Variants in MYO7A observed in about 807,000 individuals in gnomAD.
MYO7A encodes the protein myosin VIIA.
MYO7A carries 210 observed loss-of-function variants against 263.8 expected under a neutral mutation model. The ratio of observed to expected loss-of-function variants is 0.80; its 90% CI spans 0.71 to 0.89. MYO7A has a LOEUF of 0.89. Ranked by LOEUF, MYO7A falls within the 40% of genes least tolerant of loss-of-function variation. MYO7A has a pLI of 0.00. For missense variants in MYO7A, 2,820 were observed against 2,968.3 expected, an observed-to-expected ratio of 0.95 and a Z score of 1.16; for synonymous variants, 1,239 against 1,197.3, an observed-to-expected ratio of 1.03 and a Z score of -0.72.
intron 39 of MYO7A, among the ~76,000 whole-genome samples, chr11:77,205,260 G>A (rs1957366493): frequency 6.6e-6 from 1 of 152,114 alleles, no homozygotes; most frequent in South Asian, 2.1e-4. Flanking sequence ...GGCACACTTT[G>A]GGTAGCACTA....
intron 41 of MYO7A, among the ~76,000 whole-genome samples, chr11:77,206,618 C>T (rs1957461143): frequency 6.6e-6 from 1 of 152,222 alleles, no homozygotes; most frequent in Non-Finnish European, 1.5e-5. Context: ...CCTCCCTCTC[C>T]ACCTGAGGTG....
intron 4 of MYO7A, among the ~76,000 whole-genome samples, chr11:77,155,036 G>A (rs897668840): frequency 1.4e-4 from 22 of 152,124 alleles, no homozygotes; most frequent in African/African-American, 4.8e-4. Flanking sequence ...TCCAGGCCCC[G>A]GATATCAATA....
At position 77,163,112 on chromosome 11, in the gene MYO7A, A is replaced by ATG. The variant is rs1349016468; in HGVS notation, c.1690+125_1690+126insGT. 7.6e-6 allele frequency: 8 copies of ATG among 1,048,288 alleles called. No homozygotes were observed. In the African/African-American group the frequency reaches 8.2e-5, roughly 11 times the overall value. 64.9% of individuals were successfully genotyped at this position (1,048,288 alleles called of 1,614,324 possible). A position where few individuals can be genotyped will look rare whatever the true frequency, so the allele number is the denominator to read the frequency against. ...AAAAATTGTGATTATTCATATATAT[A>ATG]TATATATGAACTTGACTAAAATGGC... On this transcript the variant is annotated intron_variant, in intron 14 of 48. Coordinates refer to ENST00000409709, the MANE Select transcript of MYO7A (RefSeq NM_000260.4).
chr11:77,214,058 A>T, intron 48 of MYO7A, 79 bp downstream of exon 48: 1 of 1,589,562 alleles, frequency 6.3e-7, no homozygotes, highest in Non-Finnish European at 8.6e-7. Flanking sequence ...CCTGGAACAA[A>T]CACAGTAGTG....
In MYO7A at chr11:77,129,988, G is replaced by A. The variant is rs576444062; in HGVS notation, c.-46-601G>A. ...CGGGGCGGGCCCGGGCCCGGGCCCA[G>A]GCCCAGGTGCGGTGCATTCAGCAGC... is the stretch of plus-strand genomic sequence containing the variant. On this transcript the variant is annotated intron_variant, in intron 1 of 48. Transcript: ENST00000409709. Among the ~76,000 whole-genome samples the A allele has an allele frequency of 6.0e-5, 9 of 150,262 alleles. No homozygotes were observed. The South Asian group carries it at 7.0e-4, about 12-fold the overall frequency.
At chr11:77,158,467 C>G in intron 9 of MYO7A, 37 bp downstream of exon 9, 1 of 1,599,750 alleles carries the variant, frequency 6.3e-7, no homozygotes, top group Non-Finnish European at 8.5e-7. Flanking sequence ...CCCACCCCTG[C>G]GCCAAGGGCA....
intron 15 of MYO7A, 104 bp from the exon 16 acceptor site, chr11:77,172,644 A>G: frequency 6.9e-7 from 1 of 1,459,634 alleles, no homozygotes; most frequent in Middle Eastern, 2.4e-4. Flanking sequence ...TGTCCCTCAA[A>G]CCCTGACCCC....
At chr11:77,208,280 G>A in intron 42 of MYO7A, 150 bp from the exon 43 acceptor site, 3 of 644,222 alleles carry the variant, frequency 4.7e-6, no homozygotes, top group South Asian at 1.8e-5. Flanking sequence ...CAGGCACATG[G>A]GGCAGGGTGG....
At chr11:77,129,668 A>G (rs116831506) in intron 1 of MYO7A, among the ~76,000 whole-genome samples, 2,943 of 152,260 alleles carry the variant, frequency 0.019, 93 homozygotes, top group African/African-American at 0.068. Flanking sequence ...AACATAATGC[A>G]TATAGTCAAA....
intron 46 of MYO7A, chr11:77,212,195 G>A: frequency 1.7e-6 from 1 of 604,810 alleles, no homozygotes; most frequent in South Asian, 1.5e-5. Context: ...AGGATGGCCT[G>A]TGTTCTGACA....
intron 2 of MYO7A, among the ~76,000 whole-genome samples, chr11:77,134,673 AG>A (rs1339094394): frequency 6.6e-6 from 1 of 151,778 alleles, no homozygotes; most frequent in Non-Finnish European, 1.5e-5. Flanking sequence ...TGCCCTTACC[AG>A]TGTTCTTTAA....
intron 15 of MYO7A, among the ~76,000 whole-genome samples, chr11:77,171,986 C>A (rs574283091): frequency 4.6e-5 from 7 of 152,170 alleles, no homozygotes; most frequent in South Asian, 4.1e-4. Flanking sequence ...AGCCACAGTG[C>A]GGGGGGTTAG....
At position 77,172,742 on chromosome 11, in the gene MYO7A, C is replaced by T. The variant is rs1326223738; in HGVS notation, c.1798-6C>T. On this transcript the variant is annotated splice_polypyrimidine_tract_variant and splice_region_variant and intron_variant, in intron 15 of 48. Transcript: ENST00000409709. ...CCCCTCCCATCGCTGCCGTCCGTCC[C>T]CCCAGGGCGCCGAGACCAGGAAGCG... 1.9e-6 allele frequency: 3 copies of T among 1,554,100 alleles called. No individual in the cohort carries two copies. The African/African-American group carries it at 4.1e-5, about 21-fold the overall frequency.
intron 15 of MYO7A, 69 bp from the exon 16 acceptor site, chr11:77,172,679 C>T: frequency 1.3e-6 from 2 of 1,539,630 alleles, no homozygotes; most frequent in Non-Finnish European, 1.7e-6. Context: ...CCGCTTCCTA[C>T]TGGGCGGCTC....
intron 2 of MYO7A, among the ~76,000 whole-genome samples, chr11:77,136,166 A>G (rs1346892934): frequency 6.6e-6 from 1 of 152,168 alleles, no homozygotes; most frequent in Non-Finnish European, 1.5e-5. Flanking sequence ...CAGATATAGA[A>G]TTCTTTCTTG....
chr11:77,165,924 C>T, intron 14 of MYO7A, 132 bp from the exon 15 acceptor site: 2 of 618,752 alleles, frequency 3.2e-6, no homozygotes, highest in East Asian at 2.9e-5. Context: ...CCCTCCAGGC[C>T]TCAGGGCCCC....
chr11:77,128,776 T>C (rs1442593040), intron 1 of MYO7A, among the ~76,000 whole-genome samples: 1 of 152,184 alleles, frequency 6.6e-6, no homozygotes, highest in Non-Finnish European at 1.5e-5. Flanking sequence ...GCCAGGGGAA[T>C]AGACATGCTG....
chr11:77,190,121 C>T lies in MYO7A; in HGVS notation c.3732C>T (p.Pro1244=), dbSNP rs1955942111. 15 of 1,570,582 alleles carry T rather than the reference C, an allele frequency of 9.6e-6. No homozygotes were observed. Among genetic ancestry groups the T allele is most frequent in the Non-Finnish European group, 1.3e-5 (15 of 1,158,364 alleles). The change falls in exon 29 of 49, where the codon CCC becomes CCT. Residue 1244 remains proline (P), a synonymous_variant. Transcript: ENST00000409709. Reference sequence around the variant, plus strand: ...TCAATGGGACACGGACACAGCCGCCCAGCTGGCTGGAGCTGCAGGTTCGTG... The same window carrying T: ...TCAATGGGACACGGACACAGCCGCCTAGCTGGCTGGAGCTGCAGGTTCGTG... ...TFVNGTRTQP[P]SWLELQATKS...
At chr11:77,201,413 C>T in intron 35 of MYO7A, 35 bp from the exon 36 acceptor site, 1 of 1,591,840 alleles carries the variant, frequency 6.3e-7, no homozygotes, top group Non-Finnish European at 8.6e-7. Context: ...CAGCCTGTCT[C>T]TGCCCCCATG....
Sources: gnomAD v4.1 joint callset for allele counts (sites outside exome capture counted in the v4.1 genomes callset) on GRCh38, gnomAD v4.1.1 for gene constraint, MANE v1.5 for transcripts, NCBI Gene and HGNC (gene_info 2026-07-23, HGNC 2026-07-21) for gene names.